The following ANXA8 variants were observed in gnomAD, a reference collection of about 807,000 sequenced individuals.
ANXA8 encodes the protein annexin A8.
ANXA8 carries 9 observed loss-of-function variants against 26.8 expected under a neutral mutation model. The observed-to-expected ratio is 0.34, with a 90% CI of 0.20 to 0.59. The LOEUF (loss-of-function observed/expected upper bound fraction) is 0.59. Ranked by LOEUF, ANXA8 falls within the 20% of genes least tolerant of loss-of-function variation. The pLI is 0.84. For missense variants in ANXA8, 83 were observed against 238.5 expected, an observed-to-expected ratio of 0.35 and a Z score of 4.29; for synonymous variants, 39 against 94.8, an observed-to-expected ratio of 0.41 and a Z score of 3.42.
the ANXA8 span, among the ~76,000 whole-genome samples, chr10:47,558,932 G>C: frequency 6.6e-6 from 1 of 151,258 alleles, no homozygotes; most frequent in South Asian, 2.1e-4. Flanking sequence ...TGATTTTCTT[G>C]TATGCATATG....
the ANXA8 span, among the ~76,000 whole-genome samples, chr10:47,950,270 G>C: frequency 6.6e-6 from 1 of 151,554 alleles, no homozygotes; most frequent in Non-Finnish European, 1.5e-5. Flanking sequence ...AAATGAAGGG[G>C]GAAGTAGAGA....
the ANXA8 span, among the ~76,000 whole-genome samples, chr10:47,516,870 A>AAGCAAACAG: frequency 8.1e-6 from 1 of 123,824 alleles, no homozygotes; most frequent in South Asian, 2.4e-4. Context: ...ATGGATGTGA[A>AAGCAAACAG]AGCAAACAGA....
At chr10:47,484,302 T>G, upstream of ANXA8, 1 of 641,680 alleles carries the variant, frequency 1.6e-6, no homozygotes, top group Non-Finnish European at 2.9e-6. Context: ...TAGGCTGGTC[T>G]CAAACTCCCG....
At chr10:47,762,356 G>T in the ANXA8 span, among the ~76,000 whole-genome samples, 1 of 143,234 alleles carries the variant, frequency 7.0e-6, no homozygotes, top group Non-Finnish European at 1.5e-5. Context: ...GGCCAAAAAG[G>T]TGCCTCCCTT....
At chr10:47,704,687 G>T in the ANXA8 span, among the ~76,000 whole-genome samples, 5 of 151,876 alleles carry the variant, frequency 3.3e-5, no homozygotes, top group Non-Finnish European at 7.4e-5. Context: ...ATTTAGCAAA[G>T]TAGCTGGATA....
the ANXA8 span, among the ~76,000 whole-genome samples, chr10:47,679,982 T>G: frequency 1.3e-5 from 2 of 151,878 alleles, no homozygotes; most frequent in Non-Finnish European, 2.9e-5. Flanking sequence ...GTTTTTTGTT[T>G]TTTTTTTTCT....
At chr10:47,620,742 A>C in the ANXA8 span, among the ~76,000 whole-genome samples, 1 of 108,908 alleles carries the variant, frequency 9.2e-6, no homozygotes. Context: ...TATTATCCTA[A>C]CTGAGGTTAG....
the ANXA8 span, among the ~76,000 whole-genome samples, chr10:47,595,127 G>T: frequency 4.7e-4 from 70 of 148,298 alleles, 6 homozygotes; most frequent in African/African-American, 1.8e-3. Flanking sequence ...ACTCTAAAAG[G>T]AATGACATTC....
the ANXA8 span, among the ~76,000 whole-genome samples, chr10:47,930,210 AT>A: frequency 6.7e-6 from 1 of 150,184 alleles, no homozygotes; most frequent in African/African-American, 2.4e-5. Context: ...TAGAAGATTA[AT>A]TTCCTGGCTG....
At chr10:47,986,499 T>C in the ANXA8 span, 1 of 302,416 alleles carries the variant, frequency 3.3e-6, no homozygotes, top group East Asian at 9.2e-5. Flanking sequence ...CCAAGGTGTG[T>C]CTTTTTCGTC....
At chr10:47,701,396 A>G in the ANXA8 span, among the ~76,000 whole-genome samples, 1 of 151,844 alleles carries the variant, frequency 6.6e-6, no homozygotes, top group Non-Finnish European at 1.5e-5. Context: ...ATCTCCAACA[A>G]TATGAAAATA....
At chr10:47,587,022 T>C in the ANXA8 span, among the ~76,000 whole-genome samples, 1 of 146,294 alleles carries the variant, frequency 6.8e-6, no homozygotes, top group Non-Finnish European at 1.5e-5. Context: ...CTGGTCAACA[T>C]GGTGAAATCC....
the ANXA8 span, among the ~76,000 whole-genome samples, chr10:47,623,797 A>C: frequency 1.8e-5 from 2 of 110,232 alleles, 1 homozygote; most frequent in African/African-American, 7.1e-5. Context: ...GTCCTTTTTT[A>C]GATAATATAT....
At chr10:47,693,520 C>G in the ANXA8 span, among the ~76,000 whole-genome samples, 1 of 151,620 alleles carries the variant, frequency 6.6e-6, no homozygotes, top group Middle Eastern at 3.4e-3. Flanking sequence ...TCGATATCCT[C>G]ACCTCGTGAT....
the ANXA8 span, among the ~76,000 whole-genome samples, chr10:47,533,407 T>A: frequency 1.2e-4 from 18 of 151,106 alleles, no homozygotes; most frequent in African/African-American, 3.7e-4. Context: ...ATGTGGGAGC[T>A]GGCCACTTCA....
At chr10:47,657,450 T>C in the ANXA8 span, among the ~76,000 whole-genome samples, 1 of 151,916 alleles carries the variant, frequency 6.6e-6, no homozygotes, top group Non-Finnish European at 1.5e-5. Flanking sequence ...ATTATAATAA[T>C]TCATATCCAA....
chr10:47,713,298 G>GA, the ANXA8 span, among the ~76,000 whole-genome samples: 1 of 80,272 alleles, frequency 1.2e-5, no homozygotes, highest in Non-Finnish European at 2.4e-5. Context: ...AACAATGTGA[G>GA]AAAAAATAGA....
the ANXA8 span, among the ~76,000 whole-genome samples, chr10:47,740,402 G>C: frequency 7.2e-6 from 1 of 138,870 alleles, no homozygotes; most frequent in Non-Finnish European, 1.6e-5. Flanking sequence ...CAGGTCTTAA[G>C]TGTACAATTT....
the ANXA8 span, among the ~76,000 whole-genome samples, chr10:47,947,385 T>A: frequency 3.6e-5 from 5 of 139,588 alleles, no homozygotes; most frequent in Non-Finnish European, 6.1e-5. Flanking sequence ...TCCCACAAAG[T>A]TTATGTGTTG....
Sources: allele counts gnomAD v4.1 joint callset (sites outside exome capture counted in the v4.1 genomes callset), GRCh38; gene constraint gnomAD v4.1.1; transcripts MANE v1.5; gene names NCBI Gene and HGNC (gene_info 2026-07-23, HGNC 2026-07-21).